The following DNAAF10 variants were observed in gnomAD, a reference collection of about 807,000 sequenced individuals.
DNAAF10 encodes WD repeat domain 92.
In DNAAF10, 28 loss-of-function variants were observed where a neutral mutation model predicts 43.7. That is an observed-to-expected ratio of 0.64 (90% CI 0.48 to 0.88). DNAAF10 has a LOEUF of 0.88. DNAAF10 is among the 40% of genes least tolerant of loss of function. The probability of loss-of-function intolerance (pLI) is 0.00; values close to 1 mark genes in which losing one functional copy is unlikely to be tolerated. For synonymous variants in DNAAF10, 156 were observed against 157.3 expected (o/e 0.99, Z 0.06); for missense variants, 403 against 439.1 (o/e 0.92, Z 0.73).
chr2:68,157,391 T>C lies in DNAAF10; in HGVS notation c.53A>G (p.Asn18Ser), dbSNP rs1257945089. 2 of 1,614,206 alleles carry C rather than the reference T, an allele frequency of 1.2e-6. No homozygotes were observed. Among genetic ancestry groups the C allele is most frequent in the Middle Eastern group, 1.6e-4 (1 of 6,062 alleles). The stretch of plus-strand genomic sequence containing the variant: ...CCACTTACAGTCAAACACCGTGTAG[T>C]TGAAGCCCTTCTGGATATGGGCGAT... Reference protein sequence around the residue: ...QIIAHIQKGFNYTVFDCKWVP... With the variant: ...QIIAHIQKGFSYTVFDCKWVP... The change falls in exon 1 of 8, where the codon AAC becomes AGC. Residue 18 changes from asparagine (N) to serine (S), a missense_variant. Asn to Ser is a conservative substitution (Grantham distance 46). Transcript: ENST00000295121.
rs756771787 is a variant in DNAAF10, at chr2:68,135,405, CT to C, written c.769-607del. On this transcript the variant is annotated intron_variant, in intron 6 of 7. Transcript: ENST00000295121. ...AGACAATGTTTATGGTCATAATAAG[CT>C]AAGGTCTTTATCATTCACATTAGAC... Among the ~76,000 whole-genome samples the C allele has an allele frequency of 4.6e-5, 7 of 152,278 alleles. No homozygotes were observed. The East Asian group carries it at 7.7e-4, about 17-fold the overall frequency.
In DNAAF10 at chr2:68,157,300, C is replaced by A. The variant is rs144026247; in HGVS notation, c.144G>T (p.Leu48=). Residue 48 remains leucine (L), a synonymous_variant, in exon 1 of 8, where the codon CTG becomes CTT. Transcript: ENST00000295121. ...TCAGGTCCCCGTGCTGGATCTCGTA[C>A]AGCTGAATGACGCCGGTGCCCCGTG... is the stretch of plus-strand genomic sequence containing the variant. ...NFARGTGVIQ[L]YEIQHGDLKL... is the part of the protein sequence containing the mutation. 1.4e-5 allele frequency: 22 copies of A among 1,614,026 alleles called. No homozygotes were observed. Among genetic ancestry groups the A allele is most frequent in the Non-Finnish European group, 1.8e-5 (21 of 1,180,020 alleles).
At chr2:68,141,842 T>C (rs1217188386) in intron 3 of DNAAF10, 47 bp from the exon 4 acceptor site, 1 of 1,484,578 alleles carries the variant, frequency 6.7e-7, no homozygotes, top group Admixed American at 1.7e-5. Context: ...AGTAAATGAT[T>C]ATGTTTCTTT....
intron 6 of DNAAF10, among the ~76,000 whole-genome samples, chr2:68,136,981 A>G (rs1283869328): frequency 6.6e-6 from 1 of 152,226 alleles, no homozygotes; most frequent in Non-Finnish European, 1.5e-5. Flanking sequence ...TAGCACAAAT[A>G]TTATATACTT....
intron 6 of DNAAF10, among the ~76,000 whole-genome samples, chr2:68,136,585 A>C (rs536718705): frequency 6.6e-6 from 1 of 152,334 alleles, no homozygotes; most frequent in South Asian, 2.1e-4. Context: ...GAAACAAGGA[A>C]TCTGTAACTG....
At chr2:68,143,049 T>C (rs1673227236) in intron 3 of DNAAF10, among the ~76,000 whole-genome samples, 1 of 151,824 alleles carries the variant, frequency 6.6e-6, no homozygotes, top group South Asian at 2.1e-4. Context: ...TGGCTAATTT[T>C]TAGTTTTTGT....
rs542604277 is a variant in DNAAF10, at chr2:68,140,876, T to C, written c.517+818A>G. On this transcript the variant is annotated intron_variant, in intron 4 of 7. Coordinates refer to ENST00000295121, the MANE Select transcript of DNAAF10 (RefSeq NM_138458.4). ...ACACTAAAAACGTACAGACTTCTTG[T>C]GCTTGTCATTATTCCCTAAACAATA... Among the ~76,000 whole-genome samples, 4 of 152,238 alleles carry C rather than the reference T, an allele frequency of 2.6e-5. 1 individual carries two copies. Among genetic ancestry groups the C allele is most frequent in the Admixed American group, 2.6e-4 (4 of 15,290 alleles).
At position 68,135,781 on chromosome 2, in the gene DNAAF10, T is replaced by C. The variant is rs561825587; in HGVS notation, c.769-982A>G. On this transcript the variant is annotated intron_variant, in intron 6 of 7. Coordinates refer to ENST00000295121, the MANE Select transcript of DNAAF10 (RefSeq NM_138458.4). ...GATTAGGTTCAAGCTGTCGAAACATTTTATTTTGTAGCTTAAACTTCTCTT... is the reference window on the plus strand; with the variant it reads ...GATTAGGTTCAAGCTGTCGAAACATCTTATTTTGTAGCTTAAACTTCTCTT... 2.6e-3 allele frequency among the ~76,000 whole-genome samples: 392 copies of C among 152,338 alleles called. 4 individuals are homozygous for C. Among genetic ancestry groups the C allele is most frequent in the African/African-American group, 9.2e-3 (381 of 41,578 alleles).
At position 68,147,511 on chromosome 2, in the gene DNAAF10, C is replaced by T. The variant is rs780084672; in HGVS notation, c.240G>A (p.Gln80=). The T allele has an allele frequency of 6.2e-7, 1 of 1,611,982 alleles. No homozygotes were observed. ...CGTFGATSLQ[Q]RYLATGDFGG... ...CAAAATCTCCAGTAGCTAAATATCT[C>T]TGCTGTAAAGATGTTGCACCAAATG... Residue 80 remains glutamine, a synonymous_variant, in exon 2 of 8, where the codon CAG becomes CAA. Transcript: ENST00000295121.
chr2:68,135,499 C>T (rs924317986), intron 6 of DNAAF10, among the ~76,000 whole-genome samples: 4 of 152,114 alleles, frequency 2.6e-5, no homozygotes, highest in African/African-American at 7.2e-5. Flanking sequence ...GCCAGTAAAT[C>T]CATCCCGGCG....
intron 7 of DNAAF10, 69 bp from the exon 8 acceptor site, chr2:68,131,514 A>C: frequency 2.1e-6 from 3 of 1,414,606 alleles, no homozygotes; most frequent in South Asian, 1.2e-5. Flanking sequence ...TTATACATAC[A>C]CTTCAATGAC....
At chr2:68,139,173 G>C (rs531648847) in intron 4 of DNAAF10, among the ~76,000 whole-genome samples, 1 of 152,174 alleles carries the variant, frequency 6.6e-6, no homozygotes, top group Non-Finnish European at 1.5e-5. Flanking sequence ...GATCCCTCGT[G>C]AATGGCTCAG....
intron 1 of DNAAF10, among the ~76,000 whole-genome samples, chr2:68,151,616 T>C (rs1365265834): frequency 1.3e-5 from 2 of 152,198 alleles, no homozygotes; most frequent in Admixed American, 6.5e-5. Flanking sequence ...TGAATGAAGG[T>C]ATAAATGACC....
At chr2:68,138,508 G>C (rs1673098639) in intron 5 of DNAAF10, among the ~76,000 whole-genome samples, 1 of 152,156 alleles carries the variant, frequency 6.6e-6, no homozygotes, top group Non-Finnish European at 1.5e-5. Context: ...AGGCTGAAGG[G>C]GCTGGTGACT....
chr2:68,140,837 A>G (rs1483945643), intron 4 of DNAAF10, among the ~76,000 whole-genome samples: 1 of 151,924 alleles, frequency 6.6e-6, no homozygotes, highest in Non-Finnish European at 1.5e-5. Context: ...ATATTTGGAA[A>G]AAAATTTGCA....
At chr2:68,156,101 C>CAAAAAAA (rs10606309) in intron 1 of DNAAF10, among the ~76,000 whole-genome samples, 2 of 58,592 alleles carry the variant, frequency 3.4e-5, no homozygotes, top group Non-Finnish European at 6.1e-5. Context: ...GACCCTGTCT[C>CAAAAAAA]AAAAAAAAAA....
chr2:68,144,132 T>C (rs2103621504), intron 3 of DNAAF10, among the ~76,000 whole-genome samples: 1 of 152,302 alleles, frequency 6.6e-6, no homozygotes, highest in Admixed American at 6.5e-5. Context: ...AGTTGGTGCC[T>C]TTGGAACTCT....
At chr2:68,154,239 ACTT>A (rs199542540) in intron 1 of DNAAF10, among the ~76,000 whole-genome samples, 6,188 of 151,648 alleles carry the variant, frequency 0.041, 356 homozygotes, top group African/African-American at 0.13. Flanking sequence ...GTGAAAATAT[ACTT>A]CTTTTTTCTT....
At chr2:68,149,578 T>C (rs57776447) in intron 1 of DNAAF10, among the ~76,000 whole-genome samples, 1 of 152,202 alleles carries the variant, frequency 6.6e-6, no homozygotes, top group Non-Finnish European at 1.5e-5. Context: ...AGGATCAAAA[T>C]TTTGTCAACA....
Sources: gnomAD v4.1 joint callset for allele counts (sites outside exome capture counted in the v4.1 genomes callset) on GRCh38, gnomAD v4.1.1 for gene constraint, MANE v1.5 for transcripts, NCBI Gene and HGNC (gene_info 2026-07-23, HGNC 2026-07-21) for gene names.